Variants in POMT1 observed in about 807,000 individuals in gnomAD.
POMT1 encodes protein O-mannosyltransferase 1.
POMT1 carries 85 observed loss-of-function variants against 101.6 expected under a neutral mutation model. The observed-to-expected ratio is 0.84, with a 90% CI of 0.70 to 1.00. POMT1 has a LOEUF of 1.00. POMT1 is among the 50% of genes least tolerant of loss of function. POMT1 has a pLI of 0.00. For synonymous variants in POMT1, 371 were observed against 383.0 expected (o/e 0.97, Z 0.37); for missense variants, 857 against 930.4 (o/e 0.92, Z 1.03).
chr9:131,523,150 G>A lies in POMT1; in HGVS notation c.*44G>A, dbSNP rs1286583316. ...AACACCCGTGCTGGGGTCGGGATGA[G>A]GTTGAAGGGTCTTGGTCAATGTACG... On this transcript the variant is annotated 3_prime_UTR_variant, in exon 20 of 20. Transcript: ENST00000402686. 5 of 1,592,086 alleles carry A rather than the reference G, an allele frequency of 3.1e-6. No individual in the cohort carries two copies. The African/African-American group carries it at 4.0e-5, about 13-fold the overall frequency.
At chr9:131,518,730 G>A in intron 14 of POMT1, 107 bp from the exon 15 acceptor site, 1 of 1,567,200 alleles carries the variant, frequency 6.4e-7, no homozygotes, top group Admixed American at 1.7e-5. Context: ...CCCACAAGGG[G>A]CACCTGCTGA....
At chr9:131,514,358 C>T (rs1204664404) in intron 12 of POMT1, among the ~76,000 whole-genome samples, 1 of 152,236 alleles carries the variant, frequency 6.6e-6, no homozygotes, top group Non-Finnish European at 1.5e-5. Context: ...CCTGCGGGCC[C>T]CTTGGGGGCT....
intron 12 of POMT1, among the ~76,000 whole-genome samples, chr9:131,514,254 G>A (rs546105975): frequency 7.9e-5 from 12 of 152,246 alleles, no homozygotes; most frequent in African/African-American, 2.6e-4. Context: ...TTGTTCCTCT[G>A]TGCTCAGTGA....
intron 11 of POMT1, 38 bp downstream of exon 11, chr9:131,512,174 C>T (rs762938848): frequency 1.2e-6 from 2 of 1,608,390 alleles, no homozygotes; most frequent in South Asian, 2.2e-5. Flanking sequence ...CAGAGCTCAC[C>T]TCCTGGCCTG....
chr9:131,517,831 C>T lies in POMT1; in HGVS notation c.1273-614C>T, dbSNP rs1034711332. 3.9e-5 allele frequency among the ~76,000 whole-genome samples: 6 copies of T among 152,332 alleles called. No individual in the cohort carries two copies. In the South Asian group the frequency reaches 8.3e-4, roughly 21 times the overall value. ...GGAGCATGCGTGAGGTGTGCGCGCC[C>T]GGCCTGCGGCATGGACCGCGGCCAG... is the stretch of plus-strand genomic sequence containing the variant. On this transcript the variant is annotated intron_variant, in intron 13 of 19. Transcript: ENST00000402686.
At chr9:131,514,674 G>T (rs930115140) in intron 12 of POMT1, among the ~76,000 whole-genome samples, 28 of 152,102 alleles carry the variant, frequency 1.8e-4, no homozygotes, top group Non-Finnish European at 5.9e-5. Flanking sequence ...GGGTGTTCCT[G>T]ACCGGGCGTG....
In POMT1 at chr9:131,522,443, G is replaced by A. The variant is rs138898670; in HGVS notation, c.2003+219G>A. 6 of 954,436 alleles carry A rather than the reference G, an allele frequency of 6.3e-6. No homozygotes were observed. The highest frequency in any genetic ancestry group is 1.7e-5 in the South Asian group (1 of 58,940). 59.1% of individuals were successfully genotyped at this position (954,436 alleles called of 1,614,324 possible). On this transcript the variant is annotated intron_variant, in intron 19 of 19. Coordinates refer to ENST00000402686, the MANE Select transcript of POMT1 (RefSeq NM_001077365.2). The surrounding 1 kb of genome is among the most constrained non-coding windows in gnomAD (Gnocchi z 5.5). The stretch of plus-strand genomic sequence containing the variant: ...AGTCGCGGCTGACAGAGATGAAAGC[G>A]GAGTGGGTGGGGAGACGGGGAGGGG...
chr9:131,510,526 A>T (rs1019942971), intron 9 of POMT1, 111 bp downstream of exon 9: 18 of 1,367,416 alleles, frequency 1.3e-5, no homozygotes, highest in Admixed American at 1.9e-5. Context: ...AAACATGAAG[A>T]ATCCACATCC....
Position 131,518,904 on chromosome 9 carries a change from G to A in POMT1, c.1433G>A (p.Arg478Gln), listed in dbSNP as rs1386572159. 15 of 1,613,842 alleles carry A rather than the reference G, an allele frequency of 9.3e-6. No individual in the cohort carries two copies. The East Asian group carries it at 1.1e-4, about 12-fold the overall frequency. ...GAGATCGTCGGGGAGAAGCTGTCCCGGGGCTACCACGGGAGCACGGTGTGG... is the reference window on the plus strand; with the variant it reads ...GAGATCGTCGGGGAGAAGCTGTCCCAGGGCTACCACGGGAGCACGGTGTGG... The part of the protein sequence containing the change: ...QLEIVGEKLS[R>Q]GYHGSTVWNV... Residue 478 changes from arginine (R) to glutamine (Q), a missense_variant, in exon 15 of 20, where the codon CGG (arginine) becomes CAG (glutamine). By Grantham distance (43) the Arg-to-Gln change is conservative (BLOSUM62 1). Transcript: ENST00000402686.
chr9:131,510,927 G>A (rs1250485044), intron 9 of POMT1: 1 of 297,654 alleles, frequency 3.4e-6, no homozygotes, highest in Non-Finnish European at 6.5e-6. Flanking sequence ...GGTATCAGTA[G>A]AGGTGGTCAG....
Position 131,523,497 on chromosome 9 carries a change from C to A in POMT1, c.*391C>A. Reference sequence around the variant, plus strand: ...TGATCTGGCAGACCCGATCCTCCTTCATGAACACCCAGCAACCTGAGCAAG... The same window carrying A: ...TGATCTGGCAGACCCGATCCTCCTTAATGAACACCCAGCAACCTGAGCAAG... On this transcript the variant is annotated 3_prime_UTR_variant, in exon 20 of 20. Coordinates refer to ENST00000402686, the MANE Select transcript of POMT1 (RefSeq NM_001077365.2). 1 of 318,452 alleles carries A rather than the reference C, an allele frequency of 3.1e-6. No individual in the cohort carries two copies. Among genetic ancestry groups the A allele is most frequent in the Admixed American group, 4.3e-5 (1 of 23,322 alleles). The allele number at this position is 318,452 out of a possible 1,614,324, so 19.7% of individuals were successfully genotyped here. A position where few individuals can be genotyped will look rare whatever the true frequency, so the allele number is the denominator to read the frequency against.
rs1221437124 is a variant in POMT1 at position 131,515,598 on chromosome 9, G to A, written c.1272+76G>A. The A allele has an allele frequency of 5.1e-6, 7 of 1,368,582 alleles. No individual in the cohort carries two copies. In the East Asian group the frequency reaches 1.2e-4, roughly 23 times the overall value. 84.8% of individuals were successfully genotyped at this position (1,368,582 alleles called of 1,614,324 possible). A position where few individuals can be genotyped will look rare whatever the true frequency, so the allele number is the denominator to read the frequency against. ...CCTCACACGGAGCACTTCCTCACCC[G>A]GAGCACTCCCTAACACAGAGCACTT... On this transcript the variant is annotated intron_variant, in intron 13 of 19. Transcript: ENST00000402686.
In POMT1 at chr9:131,510,291, C is replaced by A. The variant is rs1292376830; in HGVS notation, c.731C>A (p.Ala244Glu). Residue 244 changes from alanine to glutamate, a missense_variant, in exon 9 of 20, where the codon GCA (alanine) becomes GAA (glutamate). Ala to Glu is a moderately radical substitution (Grantham distance 107). Coordinates refer to ENST00000402686, the MANE Select transcript of POMT1 (RefSeq NM_001077365.2). ...GTGTTCTGTCACTTGCTCGCCCGAG[C>A]AGTGGCTTTGCTGGTCATCCCGGTC... ...VCVFCHLLAR[A>E]VALLVIPVVL... 4.3e-6 allele frequency: 7 copies of A among 1,614,126 alleles called. No individual in the cohort carries two copies. The Admixed American group carries it at 1.2e-4, about 27-fold the overall frequency.
chr9:131,507,437 C>T lies in POMT1; in HGVS notation c.350C>T (p.Pro117Leu). Reference sequence around the variant, plus strand: ...GCACTCGCGGGGGCCTTGTCGGTCCCCATGGCCTACCAGATAGTGTTGGAG... The same window carrying T: ...GCACTCGCGGGGGCCTTGTCGGTCCTCATGGCCTACCAGATAGTGTTGGAG... The part of the protein sequence containing the change: ...LPALAGALSV[P>L]MAYQIVLELH... The change falls in exon 5 of 20, where the codon CCC (proline) becomes CTC (leucine). Residue 117 changes from proline (P) to leucine (L), a missense_variant. Transcript: ENST00000402686. 2 of 1,614,200 alleles carry T rather than the reference C, an allele frequency of 1.2e-6. No homozygotes were observed. The highest frequency in any genetic ancestry group is 1.7e-6 in the Non-Finnish European group (2 of 1,180,040).
intron 13 of POMT1, among the ~76,000 whole-genome samples, chr9:131,517,464 G>A (rs1446057757): frequency 6.6e-6 from 1 of 152,106 alleles, no homozygotes; most frequent in Non-Finnish European, 1.5e-5. Context: ...TTTTTGTGGA[G>A]ATGGGGTCTT....
intron 12 of POMT1, among the ~76,000 whole-genome samples, chr9:131,514,793 T>TA (rs1397732501): frequency 6.6e-5 from 10 of 152,124 alleles, no homozygotes; most frequent in Non-Finnish European, 1.5e-4. Context: ...CCGTCTCTAC[T>TA]AAAAATACAA....
At chr9:131,504,477 G>A in intron 2 of POMT1, 137 bp downstream of exon 2, 1 of 1,305,482 alleles carries the variant, frequency 7.7e-7, no homozygotes, top group Non-Finnish European at 1.1e-6. Flanking sequence ...TGAGAGGAGA[G>A]ACCAGTCTGT....
intron 2 of POMT1, among the ~76,000 whole-genome samples, chr9:131,504,792 T>TGTGTGTGTG (rs71372738): frequency 6.6e-6 from 1 of 150,990 alleles, no homozygotes; most frequent in Non-Finnish European, 1.5e-5. Flanking sequence ...TGTGTGTGTG[T>TGTGTGTGTG]TTTTGAGACG....
chr9:131,503,989 C>CACCCGAG lies in POMT1; in HGVS notation c.-30-200_-30-199insACCCGAG, dbSNP rs1200146910. Among the ~76,000 whole-genome samples the CACCCGAG allele has an allele frequency of 5.3e-5, 8 of 152,206 alleles. No homozygotes were observed. The highest frequency in any genetic ancestry group is 1.0e-4 in the Non-Finnish European group (7 of 68,036). Reference sequence around the variant, plus strand: ...AGTGAATGTCCAGTCCTGAGATCCCCTGAATTCCCACCCGAGTTCACTGCT... The same window carrying CACCCGAG: ...AGTGAATGTCCAGTCCTGAGATCCCCACCCGAGTGAATTCCCACCCGAGTTCACTGCT... On this transcript the variant is annotated intron_variant, in intron 1 of 19. Transcript: ENST00000402686. The surrounding 1 kb of genome is among the most constrained non-coding windows in gnomAD (Gnocchi z 4.4).
Sources: gnomAD v4.1 joint callset for allele counts (sites outside exome capture counted in the v4.1 genomes callset) on GRCh38, gnomAD v4.1.1 for gene constraint, Gnocchi (gnomAD v3.1) non-coding constraint, MANE v1.5 for transcripts, NCBI Gene and HGNC (gene_info 2026-07-23, HGNC 2026-07-21) for gene names.